The following PTPRM variants were observed in gnomAD, a reference collection of about 807,000 sequenced individuals.
PTPRM encodes the protein protein tyrosine phosphatase receptor type M.
A neutral mutation model predicts 186.7 loss-of-function variants in PTPRM; 47 were observed. That is an observed-to-expected ratio of 0.25 (90% CI 0.20 to 0.32). PTPRM has a LOEUF of 0.32. Among genes scored for constraint, PTPRM ranks in the 10% least tolerant of loss-of-function variants. The probability of loss-of-function intolerance (pLI) is 1.00; values close to 1 mark genes in which losing one functional copy is unlikely to be tolerated. For missense variants in PTPRM, 1,494 were observed against 1,865.0 expected, an observed-to-expected ratio of 0.80 and a Z score of 3.66; for synonymous variants, 668 against 674.9, an observed-to-expected ratio of 0.99 and a Z score of 0.16.
intron 1 of PTPRM, among the ~76,000 whole-genome samples, chr18:7,598,158 A>T (rs2037313007): frequency 6.6e-6 from 1 of 152,248 alleles, no homozygotes; most frequent in African/African-American, 2.4e-5. Flanking sequence ...TTTTATCTTA[A>T]TCCAAATATA....
At chr18:7,785,048 G>A (rs936799491) in intron 2 of PTPRM, among the ~76,000 whole-genome samples, 8 of 152,148 alleles carry the variant, frequency 5.3e-5, no homozygotes, top group African/African-American at 1.9e-4. Flanking sequence ...AGGCAGTGAG[G>A]GGTGGGAAGG....
chr18:8,399,729 G>T (rs917963247), intron 32 of PTPRM: 1 of 152,164 alleles, frequency 6.6e-6, no homozygotes, highest in African/African-American at 2.4e-5. Context: ...CCAGCTCCAA[G>T]CCTGCTGATG....
chr18:8,039,356 A>G (rs1436115229), intron 7 of PTPRM, among the ~76,000 whole-genome samples: 1 of 151,972 alleles, frequency 6.6e-6, no homozygotes, highest in Non-Finnish European at 1.5e-5. Context: ...ATATTTCCAC[A>G]AAGTTTAAAT....
chr18:7,768,628 A>G lies in PTPRM; in HGVS notation c.74-5521A>G, dbSNP rs560547477. 6.1e-5 allele frequency among the ~76,000 whole-genome samples: 9 copies of G among 148,142 alleles called. No homozygotes were observed. The South Asian group carries it at 1.7e-3, about 28-fold the overall frequency. On this transcript the variant is annotated intron_variant, in intron 1 of 32. Coordinates refer to ENST00000580170, the MANE Select transcript of PTPRM (RefSeq NM_001105244.2). The stretch of plus-strand genomic sequence containing the variant: ...GTCATTGTTGAGAGCAAGAGTATCC[A>G]TAAAGATATATATATATATATTTTT...
chr18:8,218,775 T>C (rs936524384), intron 14 of PTPRM, among the ~76,000 whole-genome samples: 6 of 152,220 alleles, frequency 3.9e-5, no homozygotes, highest in Admixed American at 3.3e-4. Context: ...CGCCTTGACA[T>C]TTCTCTTGGC....
chr18:7,984,572 C>CATATATATATAT lies in PTPRM; in HGVS notation c.1132+29178_1132+29189dup, dbSNP rs71354583. Among the ~76,000 whole-genome samples the CATATATATATAT allele has an allele frequency of 7.8e-3, 689 of 88,412 alleles. 8 individuals carry two copies. The highest frequency in any genetic ancestry group is 0.011 in the Non-Finnish European group (546 of 47,916). 58.0% of individuals were successfully genotyped at this position (88,412 alleles called of 152,430 possible). ...ATATATGCCCCATATATATATGCCC[C>CATATATATATAT]ATATATATATATATATATATATATA... On this transcript the variant is annotated intron_variant, in intron 7 of 32. Transcript: ENST00000580170.
At chr18:8,239,754 G>A (rs2094394692) in intron 14 of PTPRM, among the ~76,000 whole-genome samples, 1 of 152,094 alleles carries the variant, frequency 6.6e-6, no homozygotes. Context: ...TTTCAGCTTT[G>A]ACTTACTGTT....
At chr18:7,587,094 T>G (rs2036997757) in intron 1 of PTPRM, among the ~76,000 whole-genome samples, 1 of 152,222 alleles carries the variant, frequency 6.6e-6, no homozygotes, top group East Asian at 1.9e-4. Flanking sequence ...ATTTTAATTC[T>G]ATATTTAATT....
intron 1 of PTPRM, among the ~76,000 whole-genome samples, chr18:7,712,339 A>G (rs1053523132): frequency 6.6e-6 from 1 of 152,224 alleles, no homozygotes; most frequent in Non-Finnish European, 1.5e-5. Context: ...ACATCCACTC[A>G]GAAACCCCAT....
At chr18:8,214,780 C>T (rs2094056817) in intron 14 of PTPRM, among the ~76,000 whole-genome samples, 1 of 152,188 alleles carries the variant, frequency 6.6e-6, no homozygotes, top group African/African-American at 2.4e-5. Flanking sequence ...TCTCCTACCT[C>T]AGCCTCCTGA....
intron 1 of PTPRM, among the ~76,000 whole-genome samples, chr18:7,688,311 T>C (rs1437861770): frequency 6.6e-6 from 1 of 152,168 alleles, no homozygotes; most frequent in Non-Finnish European, 1.5e-5. Flanking sequence ...TGATAGTGCC[T>C]GTGGCTTCTC....
intron 2 of PTPRM, among the ~76,000 whole-genome samples, chr18:7,873,282 C>CT (rs1262825809): frequency 3.9e-5 from 6 of 151,944 alleles, no homozygotes; most frequent in Middle Eastern, 3.2e-3. Flanking sequence ...TTCTAATGCA[C>CT]TTTTTTTTGT....
chr18:8,334,612 C>T (rs189277347), intron 22 of PTPRM, among the ~76,000 whole-genome samples: 1 of 152,376 alleles, frequency 6.6e-6, no homozygotes, highest in African/African-American at 2.4e-5. Context: ...GGGAGCTGTT[C>T]TTGCCATAAT....
intron 1 of PTPRM, among the ~76,000 whole-genome samples, chr18:7,669,484 C>T (rs903293810): frequency 9.9e-5 from 15 of 152,134 alleles, no homozygotes; most frequent in Non-Finnish European, 4.4e-5. Flanking sequence ...CATAGCTCAG[C>T]TGATTTATAA....
At chr18:8,204,777 A>C (rs187000219) in intron 14 of PTPRM, among the ~76,000 whole-genome samples, 298 of 151,012 alleles carry the variant, frequency 2.0e-3, no homozygotes, top group Non-Finnish European at 3.7e-3. Context: ...AAAACAAAAA[A>C]AAAACAAAAA....
chr18:8,355,957 T>G (rs991825916), intron 23 of PTPRM, among the ~76,000 whole-genome samples: 1 of 152,144 alleles, frequency 6.6e-6, no homozygotes, highest in Non-Finnish European at 1.5e-5. Flanking sequence ...GGATAGAACC[T>G]CCGACTCCCA....
intron 19 of PTPRM, among the ~76,000 whole-genome samples, chr18:8,285,036 GAGTTTAT>G (rs1601629703): frequency 6.6e-6 from 1 of 152,132 alleles, no homozygotes; most frequent in Admixed American, 6.6e-5. Flanking sequence ...TTCCCTTGTG[GAGTTTAT>G]AGTCTGGGGA....
At chr18:8,000,441 AT>A (rs1389346084) in intron 7 of PTPRM, among the ~76,000 whole-genome samples, 1 of 152,216 alleles carries the variant, frequency 6.6e-6, no homozygotes, top group East Asian at 1.9e-4. Context: ...CAATAAGTGA[AT>A]ATATAAAATA....
chr18:7,737,007 T>C (rs2040784731), intron 1 of PTPRM, among the ~76,000 whole-genome samples: 1 of 152,262 alleles, frequency 6.6e-6, no homozygotes, highest in Non-Finnish European at 1.5e-5. Context: ...GTTTTACATG[T>C]TTGCCAGGCT....
Sources: allele counts gnomAD v4.1 joint callset (sites outside exome capture counted in the v4.1 genomes callset), GRCh38; gene constraint gnomAD v4.1.1; transcripts MANE v1.5; gene names NCBI Gene and HGNC (gene_info 2026-07-23, HGNC 2026-07-21).